Variants in PRPSAP2 observed in about 807,000 individuals in gnomAD.
The protein encoded by PRPSAP2 is phosphoribosyl pyrophosphate synthetase associated protein 2, also known as phosphoribosyl pyrophosphate synthase-associated protein 2.
PRPSAP2 carries 24 observed loss-of-function variants against 40.6 expected under a neutral mutation model. The ratio of observed to expected loss-of-function variants is 0.59; its 90% CI spans 0.43 to 0.83. The LOEUF (loss-of-function observed/expected upper bound fraction) is 0.83. Among genes scored for constraint, PRPSAP2 ranks in the 40% least tolerant of loss-of-function variants. The pLI is 0.00. For missense variants in PRPSAP2, 292 were observed against 465.6 expected (o/e 0.63, Z 3.43); for synonymous variants, 149 against 164.7 (o/e 0.90, Z 0.73).
intron 1 of PRPSAP2, among the ~76,000 whole-genome samples, chr17:18,863,615 C>T (rs1292638405): frequency 2.0e-5 from 3 of 152,108 alleles, no homozygotes; most frequent in African/African-American, 7.2e-5. Flanking sequence ...TCACTGCAAG[C>T]TCTGCCTCCT....
chr17:18,897,351 T>C (rs1332222826), intron 8 of PRPSAP2, among the ~76,000 whole-genome samples: 2 of 152,206 alleles, frequency 1.3e-5, no homozygotes, highest in African/African-American at 4.8e-5. Flanking sequence ...TATGTAAAAG[T>C]TAATTTTTGC....
intron 1 of PRPSAP2, among the ~76,000 whole-genome samples, chr17:18,865,094 C>G (rs1325271529): frequency 6.6e-6 from 1 of 152,200 alleles, no homozygotes; most frequent in African/African-American, 2.4e-5. Flanking sequence ...ATCTGCCTGC[C>G]TTGGCTTCCC....
intron 9 of PRPSAP2, among the ~76,000 whole-genome samples, chr17:18,918,496 A>G (rs1317475940): frequency 6.6e-6 from 1 of 152,234 alleles, no homozygotes; most frequent in African/African-American, 2.4e-5. Context: ...GAGATGGACT[A>G]AGATAGCAGT....
intron 8 of PRPSAP2, chr17:18,904,682 A>T (rs551390856): frequency 9.8e-5 from 15 of 152,338 alleles, no homozygotes; most frequent in African/African-American, 3.6e-4. Context: ...ACTAAAAGGG[A>T]TCATCAGAGA....
At chr17:18,899,573 G>T (rs2040143093) in intron 8 of PRPSAP2, among the ~76,000 whole-genome samples, 1 of 128,598 alleles carries the variant, frequency 7.8e-6, no homozygotes, top group Non-Finnish European at 1.6e-5. Flanking sequence ...CTGTTGCCCA[G>T]GCTGGAGTGT....
At chr17:18,869,238 T>C (rs2037658094) in intron 4 of PRPSAP2, among the ~76,000 whole-genome samples, 1 of 152,182 alleles carries the variant, frequency 6.6e-6, no homozygotes, top group Non-Finnish European at 1.5e-5. Flanking sequence ...TACCAGATAC[T>C]GAAAAACTGA....
At chr17:18,875,274 G>T (rs1340233697) in intron 5 of PRPSAP2, among the ~76,000 whole-genome samples, 1 of 152,134 alleles carries the variant, frequency 6.6e-6, no homozygotes, top group East Asian at 1.9e-4. Flanking sequence ...ATAACATTTA[G>T]TGTTGAGGGC....
intron 5 of PRPSAP2, among the ~76,000 whole-genome samples, chr17:18,875,823 CAGGCTGGGTGAT>C (rs1444963322): frequency 6.8e-6 from 1 of 147,350 alleles, no homozygotes; most frequent in African/African-American, 2.5e-5. Context: ...CACTATACTC[CAGGCTGGGTGAT>C]AGAGTGAGAC....
upstream of PRPSAP2, chr17:18,858,073 G>T: frequency 6.5e-6 from 1 of 152,712 alleles, no homozygotes; most frequent in South Asian, 2.0e-4. Context: ...CCCCCAGCTA[G>T]GTGCCTCCGC....
intron 7 of PRPSAP2, among the ~76,000 whole-genome samples, chr17:18,886,189 C>T (rs780545054): frequency 1.3e-5 from 2 of 152,130 alleles, no homozygotes; most frequent in East Asian, 3.8e-4. Context: ...GCTAATTATA[C>T]TGTGGCACTG....
At chr17:18,912,638 G>A (rs551379301) in intron 9 of PRPSAP2, among the ~76,000 whole-genome samples, 1 of 152,292 alleles carries the variant, frequency 6.6e-6, no homozygotes, top group East Asian at 1.9e-4. Flanking sequence ...GATTCACTCT[G>A]ACGCACGTTT....
chr17:18,917,627 A>G (rs1182085313), intron 9 of PRPSAP2: 6 of 100,424 alleles, frequency 6.0e-5, no homozygotes, highest in African/African-American at 2.3e-4. Flanking sequence ...TTTAGTAGAG[A>G]CAGGGTTTCG....
At chr17:18,892,745 A>ATTTTTTTTTTTTT (rs1555554151) in intron 8 of PRPSAP2, among the ~76,000 whole-genome samples, 3 of 125,706 alleles carry the variant, frequency 2.4e-5, no homozygotes, top group Admixed American at 8.2e-5. Context: ...TTATTTATTT[A>ATTTTTTTTTTTTT]TTTTTTTGAG....
In PRPSAP2 at chr17:18,911,170, G is replaced by A; in HGVS notation, c.652G>A (p.Glu218Lys). Residue 218 changes from glutamate (E) to lysine (K), a missense_variant, in exon 9 of 12, where the codon GAG becomes AAG. By Grantham distance (56) the Glu-to-Lys change is moderately conservative. Around this residue, in one of 2 missense-constraint regions of PRPSAP2, gnomAD observed 241 missense variants for 425.7 expected, o/e 0.57. Coordinates refer to ENST00000268835, the MANE Select transcript of PRPSAP2 (RefSeq NM_002767.4). The surrounding 1 kb of genome is among the most constrained non-coding windows in gnomAD (Gnocchi z 4.5). ...AVIHGEAQDA[E>K]SDLVDGRHSP... The stretch of plus-strand genomic sequence containing the variant: ...GATTCATGGAGAGGCGCAGGATGCC[G>A]AGTCGGACTTGGTGGATGGACGGCA... The A allele has an allele frequency of 1.2e-6, 2 of 1,614,012 alleles. No homozygotes were observed. Among genetic ancestry groups the A allele is most frequent in the Non-Finnish European group, 1.7e-6 (2 of 1,179,932 alleles).
In PRPSAP2 at chr17:18,877,843, T is replaced by C. The variant is rs769610652; in HGVS notation, c.385T>C (p.Leu129=). ...MRKRGSIVSK[L]LASMMCKAGL... is the part of the protein sequence containing the mutation. ...AAAAAGAGGCTCCATTGTCTCTAAA[T>C]TGCTGGCTTCCATGATGTGCAAAGC... Residue 129 remains leucine (L), a synonymous_variant, in exon 6 of 12, where the codon TTG becomes CTG. Coordinates refer to ENST00000268835, the MANE Select transcript of PRPSAP2 (RefSeq NM_002767.4). 9.3e-6 allele frequency: 15 copies of C among 1,612,410 alleles called. No individual in the cohort carries two copies. The highest frequency in any genetic ancestry group is 1.3e-5 in the Non-Finnish European group (15 of 1,179,438).
chr17:18,896,580 CTTTTTTTTTTT>C (rs58391876), intron 8 of PRPSAP2, among the ~76,000 whole-genome samples: 3 of 104,758 alleles, frequency 2.9e-5, no homozygotes, highest in African/African-American at 1.1e-4. Context: ...CCAGATTTTC[CTTTTTTTTTTT>C]TTTTTTTTTG....
At chr17:18,901,666 G>A (rs2040278566) in intron 8 of PRPSAP2, among the ~76,000 whole-genome samples, 1 of 152,184 alleles carries the variant, frequency 6.6e-6, no homozygotes, top group African/African-American at 2.4e-5. Flanking sequence ...ATGAGCCACT[G>A]CGCCTGGCCA....
intron 6 of PRPSAP2, among the ~76,000 whole-genome samples, chr17:18,879,910 A>G (rs1007413002): frequency 1.3e-5 from 2 of 151,938 alleles, no homozygotes; most frequent in Non-Finnish European, 2.9e-5. Context: ...CAGCCTAACC[A>G]ACATGGAAAA....
chr17:18,871,907 G>T (rs560992891), intron 4 of PRPSAP2, among the ~76,000 whole-genome samples: 1 of 152,154 alleles, frequency 6.6e-6, no homozygotes, highest in East Asian at 2.0e-4. Flanking sequence ...TGATTTGCCC[G>T]CCTTGGCCTC....
Sources: gnomAD v4.1 joint callset for allele counts (sites outside exome capture counted in the v4.1 genomes callset) on GRCh38, gnomAD v4.1.1 for gene constraint, gnomAD v4.1.1 regional missense constraint, Gnocchi (gnomAD v3.1) non-coding constraint, MANE v1.5 for transcripts, NCBI Gene and HGNC (gene_info 2026-07-23, HGNC 2026-07-21) for gene names.